Variants in RIMKLB observed in about 807,000 individuals in gnomAD.
RIMKLB encodes the protein ribosomal modification protein rimK like family member B, also known as beta-citrylglutamate synthase B.
A neutral mutation model predicts 32.0 loss-of-function variants in RIMKLB; 7 were observed. The ratio of observed to expected loss-of-function variants is 0.22; its 90% CI spans 0.12 to 0.41. RIMKLB has a LOEUF of 0.41. RIMKLB is among the 10% of genes least tolerant of loss of function. The pLI, the probability that RIMKLB is intolerant of heterozygous loss-of-function variation, is 1.00. For missense variants in RIMKLB, 289 were observed against 498.7 expected (o/e 0.58, Z 4.00); for synonymous variants, 172 against 185.1 (o/e 0.93, Z 0.57).
intron 2 of RIMKLB, among the ~76,000 whole-genome samples, chr12:8,740,507 C>T (rs905094356): frequency 6.6e-6 from 1 of 152,174 alleles, no homozygotes; most frequent in Non-Finnish European, 1.5e-5. Context: ...ACTCTTCTCC[C>T]TGAGTCCCCA....
chr12:8,690,269 A>G (rs1352858674), intron 1 of RIMKLB, among the ~76,000 whole-genome samples: 2 of 152,260 alleles, frequency 1.3e-5, no homozygotes, highest in Admixed American at 1.3e-4. Context: ...AGAATCATGT[A>G]TGTGTTAGTA....
chr12:8,723,527 C>T (rs745614947), intron 2 of RIMKLB, among the ~76,000 whole-genome samples: 1 of 152,262 alleles, frequency 6.6e-6, no homozygotes, highest in African/African-American at 2.4e-5. Flanking sequence ...ACTTGCTTGA[C>T]ACAGGGTCGC....
intron 2 of RIMKLB, among the ~76,000 whole-genome samples, chr12:8,739,164 G>A (rs1303503077): frequency 1.3e-5 from 2 of 152,076 alleles, no homozygotes; most frequent in Non-Finnish European, 2.9e-5. Flanking sequence ...TGTTTCTGTT[G>A]TTCTGAAGAA....
chr12:8,674,945 C>A, the RIMKLB span, among the ~76,000 whole-genome samples: 1 of 149,846 alleles, frequency 6.7e-6, no homozygotes, highest in Admixed American at 6.7e-5. Context: ...CTCACTGCAA[C>A]CTCCACCTCC....
intron 4 of RIMKLB, 92 bp from the exon 5 acceptor site, chr12:8,753,798 T>C: frequency 1.0e-6 from 1 of 990,750 alleles, no homozygotes; most frequent in South Asian, 1.4e-5. Flanking sequence ...GGTTCTGAAA[T>C]AGCAGATTGT....
At chr12:8,756,521 C>T (rs951641985) in intron 5 of RIMKLB, among the ~76,000 whole-genome samples, 28 of 151,760 alleles carry the variant, frequency 1.8e-4, no homozygotes, top group African/African-American at 5.1e-4. Flanking sequence ...ATATGCAAAA[C>T]TAAACAATGC....
intron 1 of RIMKLB, 45 bp from the exon 2 acceptor site, chr12:8,713,766 A>G (rs757389708): frequency 8.8e-7 from 1 of 1,131,452 alleles, no homozygotes; most frequent in Non-Finnish European, 1.3e-6. Context: ...GAAATCAAGT[A>G]GATTTCTTGA....
At chr12:8,688,054 C>T (rs1263003733) in intron 1 of RIMKLB, among the ~76,000 whole-genome samples, 1 of 152,188 alleles carries the variant, frequency 6.6e-6, no homozygotes, top group African/African-American at 2.4e-5. Context: ...GTGTATGCTG[C>T]AAGACCTTTC....
chr12:8,770,677 C>T (rs1950331245), intron 5 of RIMKLB, among the ~76,000 whole-genome samples: 1 of 152,162 alleles, frequency 6.6e-6, no homozygotes, highest in Non-Finnish European at 1.5e-5. Flanking sequence ...TTCTCTCATT[C>T]AACAACAATT....
At chr12:8,710,922 G>A (rs1944319979) in intron 1 of RIMKLB, among the ~76,000 whole-genome samples, 2 of 133,198 alleles carry the variant, frequency 1.5e-5, no homozygotes. Flanking sequence ...GAGGCCAGGA[G>A]TTTGAGATCA....
At chr12:8,686,027 C>T (rs888759164) in intron 1 of RIMKLB, among the ~76,000 whole-genome samples, 1 of 152,118 alleles carries the variant, frequency 6.6e-6, no homozygotes, top group Non-Finnish European at 1.5e-5. Context: ...TGGATGGTCT[C>T]GAGCTCTTGA....
At chr12:8,682,738 G>T (rs996103312) in intron 1 of RIMKLB, among the ~76,000 whole-genome samples, 1 of 149,556 alleles carries the variant, frequency 6.7e-6, no homozygotes, top group Non-Finnish European at 1.5e-5. Flanking sequence ...CGCCACTGCA[G>T]CCCCGCCGGG....
intron 5 of RIMKLB, among the ~76,000 whole-genome samples, chr12:8,765,720 C>A (rs888888522): frequency 6.6e-6 from 1 of 152,080 alleles, no homozygotes; most frequent in East Asian, 1.9e-4. Flanking sequence ...TTGTTTACCC[C>A]TTTGTCTATC....
At chr12:8,714,237 G>A in intron 2 of RIMKLB, 196 bp downstream of exon 2, 2 of 490,566 alleles carry the variant, frequency 4.1e-6, no homozygotes, top group Non-Finnish European at 7.2e-6. Flanking sequence ...CAGTTGTGAG[G>A]GAAATTAAAG....
At chr12:8,743,540 C>A (rs10842197) in intron 2 of RIMKLB, among the ~76,000 whole-genome samples, 26,692 of 151,086 alleles carry the variant, frequency 0.18, 2,842 homozygotes, top group East Asian at 0.39. Flanking sequence ...CTAGTACTTA[C>A]TATTATTAAG....
intron 7 of RIMKLB, among the ~76,000 whole-genome samples, chr12:8,782,592 A>G (rs1951156927): frequency 2.0e-5 from 3 of 152,190 alleles, no homozygotes; most frequent in Admixed American, 6.5e-5. Flanking sequence ...GGGAGTTAGA[A>G]TAGTTTTTCC....
chr12:8,702,083 G>A (rs1050374070), intron 1 of RIMKLB, among the ~76,000 whole-genome samples: 3 of 151,302 alleles, frequency 2.0e-5, no homozygotes, highest in Non-Finnish European at 4.4e-5. Flanking sequence ...ATGATTTTTT[G>A]ATACTCTCTT....
At chr12:8,689,601 T>C (rs2136564918) in intron 1 of RIMKLB, among the ~76,000 whole-genome samples, 1 of 152,244 alleles carries the variant, frequency 6.6e-6, no homozygotes, top group Middle Eastern at 3.4e-3. Flanking sequence ...TATTTCTTCC[T>C]CTCTGTCACG....
At chr12:8,697,054 G>A (rs193272857), upstream of RIMKLB, 318 of 151,784 alleles carry the variant, frequency 2.1e-3, 2 homozygotes, top group African/African-American at 7.4e-3. Flanking sequence ...TTTATACATA[G>A]TTTTAGAATT....
Sources: gnomAD v4.1 joint callset for allele counts (sites outside exome capture counted in the v4.1 genomes callset) on GRCh38, gnomAD v4.1.1 for gene constraint, MANE v1.5 for transcripts, NCBI Gene and HGNC (gene_info 2026-07-23, HGNC 2026-07-21) for gene names.